SHROOM4: variants seen among roughly 807,000 people sequenced by gnomAD.
The protein encoded by SHROOM4 is protein Shroom4.
SHROOM4 carries 17 observed loss-of-function variants against 80.3 expected under a neutral mutation model. The ratio of observed to expected loss-of-function variants is 0.21; its 90% CI spans 0.14 to 0.32. The LOEUF (loss-of-function observed/expected upper bound fraction) is 0.32. SHROOM4 is among the 10% of genes least tolerant of loss of function. The pLI is 1.00. For missense variants in SHROOM4, 993 were observed against 1,140.3 expected, an observed-to-expected ratio of 0.87 and a Z score of 1.86; for synonymous variants, 400 against 437.5, an observed-to-expected ratio of 0.91 and a Z score of 1.07.
At chrX:50,656,467 G>A (rs971815442) in intron 2 of SHROOM4, among the ~76,000 whole-genome samples, 4 of 111,937 alleles carry the variant, frequency 3.6e-5, no homozygotes, top group African/African-American at 1.3e-4. Flanking sequence ...CATTCCGCAT[G>A]TGAATATCCA....
At chrX:50,604,581 C>T (rs1384927010) in intron 6 of SHROOM4, among the ~76,000 whole-genome samples, 2 of 111,806 alleles carry the variant, frequency 1.8e-5, no homozygotes, top group East Asian at 2.8e-4. Context: ...TTAGGGAATT[C>T]CTATCTACAA....
At chrX:50,691,161 C>T (rs1323767867) in intron 2 of SHROOM4, among the ~76,000 whole-genome samples, 1 of 111,483 alleles carries the variant, frequency 9.0e-6, no homozygotes, top group Non-Finnish European at 1.9e-5. Flanking sequence ...TTATGTTAAA[C>T]TCTCCCATAC....
At chrX:50,605,415 T>C (rs958196729) in intron 6 of SHROOM4, among the ~76,000 whole-genome samples, 3 of 112,673 alleles carry the variant, frequency 2.7e-5, no homozygotes, top group African/African-American at 9.7e-5. Context: ...ATTGATTTTG[T>C]AGTCACAAGC....
intron 5 of SHROOM4, among the ~76,000 whole-genome samples, chrX:50,623,633 C>A (rs1252484233): frequency 1.8e-5 from 2 of 111,708 alleles, no homozygotes; most frequent in East Asian, 5.6e-4. Context: ...AAAAGTTAAA[C>A]AATAAAATTA....
intron 1 of SHROOM4, among the ~76,000 whole-genome samples, chrX:50,754,869 G>T (rs1450057108): frequency 1.8e-5 from 2 of 112,219 alleles, no homozygotes; most frequent in Non-Finnish European, 3.8e-5. Context: ...GTATCATGGT[G>T]CAATGAAAGT....
chrX:50,799,920 C>T (rs1351082600), intron 1 of SHROOM4, among the ~76,000 whole-genome samples: 3 of 111,899 alleles, frequency 2.7e-5, no homozygotes, highest in East Asian at 2.8e-4. Flanking sequence ...ATGCAAACCT[C>T]GGAACACAGC....
chrX:50,741,948 A>G (rs1557267241), intron 1 of SHROOM4, among the ~76,000 whole-genome samples: 1 of 111,290 alleles, frequency 9.0e-6, no homozygotes, highest in Non-Finnish European at 1.9e-5. Context: ...AACATATTTT[A>G]TATGCTAATA....
intron 1 of SHROOM4, among the ~76,000 whole-genome samples, chrX:50,768,156 T>G (rs1935316647): frequency 8.9e-6 from 1 of 112,139 alleles, no homozygotes; most frequent in Non-Finnish European, 1.9e-5. Context: ...CCATACATGA[T>G]TAGCCTTCAA....
chrX:50,665,526 C>T (rs782009181), intron 2 of SHROOM4, among the ~76,000 whole-genome samples: 1 of 110,042 alleles, frequency 9.1e-6, no homozygotes, highest in Non-Finnish European at 1.9e-5. Flanking sequence ...CTGAAAATAC[C>T]GCTGAGACAG....
chrX:50,657,782 G>GA (rs200698829), intron 2 of SHROOM4, among the ~76,000 whole-genome samples: 12,858 of 104,584 alleles, frequency 0.12, 1,106 homozygotes, highest in African/African-American at 0.3. Flanking sequence ...ATTGCTTTGG[G>GA]AAAAAAAAAA....
In SHROOM4 at chrX:50,587,903, T is replaced by C. The variant is rs1323216677; in HGVS notation, c.*8792A>G. Among the ~76,000 whole-genome samples, 1 of 112,219 alleles carries C rather than the reference T, an allele frequency of 8.9e-6. No homozygotes were observed. Among genetic ancestry groups the C allele is most frequent in the Non-Finnish European group, 1.9e-5 (1 of 53,170 alleles). ...AGGATTTCTGCTTTAAAAATGTATG[T>C]TTAGATAGAAAAATAGTGTAAGCAA... On this transcript the variant is annotated 3_prime_UTR_variant, in exon 9 of 9. Transcript: ENST00000376020.
intron 7 of SHROOM4, among the ~76,000 whole-genome samples, chrX:50,601,246 C>T (rs1929388069): frequency 8.9e-6 from 1 of 112,401 alleles, no homozygotes; most frequent in African/African-American, 3.2e-5. Flanking sequence ...CTGTGCTCTG[C>T]CATTTCTGAT....
intron 1 of SHROOM4, among the ~76,000 whole-genome samples, chrX:50,736,089 C>A (rs1276759082): frequency 9.2e-6 from 1 of 109,034 alleles, no homozygotes; most frequent in African/African-American, 3.3e-5. Context: ...CAATGAGATA[C>A]CACTTCATGG....
At chrX:50,810,203 G>A (rs1012755535) in intron 1 of SHROOM4, among the ~76,000 whole-genome samples, 2 of 110,615 alleles carry the variant, frequency 1.8e-5, no homozygotes, top group Non-Finnish European at 3.8e-5. Context: ...CTATACAAGT[G>A]TCCATAAATC....
chrX:50,608,597 T>C (rs781864518), intron 5 of SHROOM4, among the ~76,000 whole-genome samples: 1 of 112,098 alleles, frequency 8.9e-6, no homozygotes, highest in South Asian at 3.8e-4. Flanking sequence ...CCAGTCTGTT[T>C]ATAGGAGTCA....
At position 50,786,897 on chromosome X, in the gene SHROOM4, T is replaced by A. The variant is rs781979974; in HGVS notation, c.117+27005A>T. On this transcript the variant is annotated intron_variant, in intron 1 of 8. Transcript: ENST00000376020. ...ACAACACATGAACAAAGTAAAAATT[T>A]CAAAAAAGAGATATAAAATATATAT... Among the ~76,000 whole-genome samples the A allele has an allele frequency of 2.2e-3, 243 of 110,849 alleles. 1 individual carries two copies. The highest frequency in any genetic ancestry group is 6.7e-3 in the African/African-American group (205 of 30,538).
At chrX:50,663,463 T>C (rs1932580847) in intron 2 of SHROOM4, among the ~76,000 whole-genome samples, 1 of 110,345 alleles carries the variant, frequency 9.1e-6, no homozygotes, top group Admixed American at 9.8e-5. Context: ...ATGAGCTCCT[T>C]ACATCCAATC....
chrX:50,665,681 T>C (rs1024332203), intron 2 of SHROOM4, among the ~76,000 whole-genome samples: 15 of 110,448 alleles, frequency 1.4e-4, no homozygotes, highest in African/African-American at 3.3e-4. Context: ...CTCAGTCTCC[T>C]TATCTGTAAT....
chrX:50,791,400 C>A (rs183128986), intron 1 of SHROOM4, among the ~76,000 whole-genome samples: 6 of 108,524 alleles, frequency 5.5e-5, no homozygotes, highest in Non-Finnish European at 1.1e-4. Context: ...TCAATGTAAT[C>A]CCTATCAAAA....
Sources: gnomAD v4.1 joint callset for allele counts (sites outside exome capture counted in the v4.1 genomes callset) on GRCh38, gnomAD v4.1.1 for gene constraint, MANE v1.5 for transcripts, NCBI Gene and HGNC (gene_info 2026-07-23, HGNC 2026-07-21) for gene names.